The following FAM110B variants were observed in gnomAD, a reference collection of about 807,000 sequenced individuals.
FAM110B encodes the protein family with sequence similarity 110 member B.
FAM110B carries 6 observed loss-of-function variants against 20.4 expected under a neutral mutation model. The ratio of observed to expected loss-of-function variants is 0.29; its 90% confidence interval spans 0.16 to 0.58. The LOEUF is 0.58. Among genes scored for constraint, FAM110B ranks in the 20% least tolerant of loss-of-function variants. FAM110B has a pLI of 0.90. For missense variants in FAM110B, 434 were observed against 498.2 expected (o/e 0.87, Z 1.23); for synonymous variants, 226 against 214.1 (o/e 1.06, Z -0.49).
At chr8:58,058,757 G>A (rs893298424) in intron 2 of FAM110B, among the ~76,000 whole-genome samples, 1 of 152,124 alleles carries the variant, frequency 6.6e-6, no homozygotes, top group African/African-American at 2.4e-5. Flanking sequence ...GATCAAATCA[G>A]TAATAAAACC....
At chr8:58,087,315 A>C (rs966530647) in intron 3 of FAM110B, among the ~76,000 whole-genome samples, 3 of 152,128 alleles carry the variant, frequency 2.0e-5, no homozygotes, top group Non-Finnish European at 4.4e-5. Flanking sequence ...TGTGACTTAG[A>C]TCGGTGGGCT....
intron 2 of FAM110B, among the ~76,000 whole-genome samples, chr8:58,037,809 T>C (rs560078000): frequency 6.6e-6 from 1 of 152,314 alleles, no homozygotes; most frequent in South Asian, 2.1e-4. Context: ...TTAATTAGAA[T>C]TGGAAAACAG....
intron 3 of FAM110B, among the ~76,000 whole-genome samples, chr8:58,103,048 G>T (rs561282728): frequency 1.4e-5 from 2 of 144,794 alleles, no homozygotes; most frequent in South Asian, 2.2e-4. Context: ...AAACAGCTTT[G>T]CAAGGCAGAA....
chr8:57,998,709 G>T (rs990451654), intron 1 of FAM110B, among the ~76,000 whole-genome samples: 11 of 152,194 alleles, frequency 7.2e-5, no homozygotes, highest in Non-Finnish European at 1.3e-4. Context: ...TTGCATGAAA[G>T]ATTTTGGGGA....
chr8:58,122,177 A>G (rs1466586002), intron 3 of FAM110B, among the ~76,000 whole-genome samples: 2 of 152,142 alleles, frequency 1.3e-5, no homozygotes, highest in East Asian at 1.9e-4. Flanking sequence ...AAGACATTAA[A>G]TGCTCTTTTT....
chr8:58,048,488 T>A (rs1467000596), intron 2 of FAM110B, among the ~76,000 whole-genome samples: 1 of 152,172 alleles, frequency 6.6e-6, no homozygotes, highest in Non-Finnish European at 1.5e-5. Context: ...CTTGATCATC[T>A]GCCCCTTCCT....
chr8:58,040,194 T>C (rs1805183090), intron 2 of FAM110B, among the ~76,000 whole-genome samples: 1 of 151,986 alleles, frequency 6.6e-6, no homozygotes, highest in Admixed American at 6.6e-5. Context: ...TTTTTTCTCC[T>C]GCAAAATATT....
At chr8:58,119,945 G>A (rs528443229) in intron 3 of FAM110B, among the ~76,000 whole-genome samples, 1 of 152,272 alleles carries the variant, frequency 6.6e-6, no homozygotes, top group South Asian at 2.1e-4. Context: ...CCTGCTTCTG[G>A]GAAATGTAGC....
At chr8:58,009,964 G>A (rs1442762402) in intron 1 of FAM110B, among the ~76,000 whole-genome samples, 1 of 152,050 alleles carries the variant, frequency 6.6e-6, no homozygotes, top group Non-Finnish European at 1.5e-5. Context: ...TGATCAGGTC[G>A]AAGGCATTTT....
chr8:58,040,470 A>G (rs1805190038), intron 2 of FAM110B, among the ~76,000 whole-genome samples: 1 of 152,164 alleles, frequency 6.6e-6, no homozygotes, highest in Non-Finnish European at 1.5e-5. Flanking sequence ...ACAGGCCCAC[A>G]TAGAGACCAG....
At chr8:58,041,964 T>A (rs1805229080) in intron 2 of FAM110B, among the ~76,000 whole-genome samples, 1 of 152,236 alleles carries the variant, frequency 6.6e-6, no homozygotes, top group Non-Finnish European at 1.5e-5. Flanking sequence ...GGGTTCTCGC[T>A]TCAGTTCTTA....
chr8:58,114,412 TG>T (rs1031258387), intron 3 of FAM110B, among the ~76,000 whole-genome samples: 6 of 152,236 alleles, frequency 3.9e-5, no homozygotes, highest in Non-Finnish European at 8.8e-5. Context: ...AAATCTATAC[TG>T]GCTTTCCCAA....
At chr8:58,098,075 G>A (rs1025019105) in intron 3 of FAM110B, among the ~76,000 whole-genome samples, 4 of 152,210 alleles carry the variant, frequency 2.6e-5, no homozygotes, top group South Asian at 2.1e-4. Context: ...AGCTCTGTGC[G>A]GGGAGATCCA....
intron 1 of FAM110B, among the ~76,000 whole-genome samples, chr8:58,011,026 T>C (rs907154937): frequency 2.6e-5 from 4 of 152,200 alleles, no homozygotes; most frequent in African/African-American, 9.7e-5. Flanking sequence ...ACATGGTATC[T>C]GTTTGGCGGC....
Position 58,135,181 on chromosome 8 carries a change from C to T in FAM110B, c.-324-10726C>T, listed in dbSNP as rs73682169. Among the ~76,000 whole-genome samples, 512 of 152,288 alleles carry T rather than the reference C, an allele frequency of 3.4e-3. 5 individuals carry two copies. The highest frequency in any genetic ancestry group is 0.012 in the African/African-American group (487 of 41,564). ...GACATCCTCTTTAAATGTCTCTGGA[C>T]ATCAGTTTCCTCATCTGTAAAATGG... is the stretch of plus-strand genomic sequence containing the variant. On this transcript the variant is annotated intron_variant, in intron 3 of 3. Transcript: ENST00000519262.
intron 1 of FAM110B, among the ~76,000 whole-genome samples, chr8:58,000,799 T>C (rs1804278574): frequency 6.6e-6 from 1 of 152,234 alleles, no homozygotes; most frequent in African/African-American, 2.4e-5. Flanking sequence ...GGAGGTTCAT[T>C]GTACAGTTGA....
intron 2 of FAM110B, among the ~76,000 whole-genome samples, chr8:58,057,829 C>A (rs1805578204): frequency 6.6e-6 from 1 of 152,222 alleles, no homozygotes; most frequent in African/African-American, 2.4e-5. Flanking sequence ...GGCATGGGAC[C>A]AGGCACATGG....
intron 3 of FAM110B, among the ~76,000 whole-genome samples, chr8:58,111,559 T>C (rs1341568558): frequency 2.0e-5 from 3 of 152,118 alleles, no homozygotes; most frequent in Non-Finnish European, 2.9e-5. Flanking sequence ...ATGTGTATTA[T>C]AGTAGCTAAG....
At chr8:58,008,330 A>G (rs1804457012) in intron 1 of FAM110B, among the ~76,000 whole-genome samples, 2 of 151,908 alleles carry the variant, frequency 1.3e-5, no homozygotes, top group Non-Finnish European at 2.9e-5. Flanking sequence ...GCAGGGTTTC[A>G]CCATGTTGGC....
Sources: gnomAD v4.1 joint callset for allele counts (sites outside exome capture counted in the v4.1 genomes callset) on GRCh38, gnomAD v4.1.1 for gene constraint, MANE v1.5 for transcripts, NCBI Gene and HGNC (gene_info 2026-07-23, HGNC 2026-07-21) for gene names.